SPOCK3: variants seen among roughly 807,000 people sequenced by gnomAD.
The protein encoded by SPOCK3 is SPARC (osteonectin), cwcv and kazal like domains proteoglycan 3, also known as testican-3.
SPOCK3 carries 30 observed loss-of-function variants against 56.6 expected under a neutral mutation model. The ratio of observed to expected loss-of-function variants is 0.53; its 90% CI spans 0.40 to 0.72. The LOEUF (loss-of-function observed/expected upper bound fraction) is 0.72. SPOCK3 is among the 30% of genes least tolerant of loss of function. The pLI is 0.00. For synonymous variants in SPOCK3, 196 were observed against 183.3 expected (o/e 1.07, Z -0.56); for missense variants, 527 against 530.0 (o/e 0.99, Z 0.06).
At chr4:167,225,525 T>G in intron 2 of SPOCK3, among the ~76,000 whole-genome samples, 1 of 152,210 alleles carries the variant, frequency 6.6e-6, no homozygotes, top group Non-Finnish European at 1.5e-5. Context: ...TTATTACTAT[T>G]ATTAAATTAA....
chr4:166,851,449 C>T (rs1327736178), intron 6 of SPOCK3, among the ~76,000 whole-genome samples: 20 of 152,166 alleles, frequency 1.3e-4, no homozygotes, highest in Admixed American at 5.2e-4. Flanking sequence ...TCACCAGCAA[C>T]GGAACAAAGC....
chr4:166,803,069 C>T lies in SPOCK3; in HGVS notation c.590-10780G>A, dbSNP rs79112928. On this transcript the variant is annotated intron_variant, in intron 6 of 10. Transcript: ENST00000357545. ...AATAAAGCACACACACATGAGCACA[C>T]ATGCACATATATCTTCAAAAATTAT... 1.7e-3 allele frequency among the ~76,000 whole-genome samples: 266 copies of T among 152,212 alleles called. 3 individuals are homozygous for T. The East Asian group carries it at 0.045, about 26-fold the overall frequency.
At chr4:166,955,598 A>G (rs1029851496) in intron 4 of SPOCK3, among the ~76,000 whole-genome samples, 2 of 145,712 alleles carry the variant, frequency 1.4e-5, no homozygotes, top group Admixed American at 1.4e-4. Flanking sequence ...TAAATTTAAT[A>G]TAATCAAATT....
intron 6 of SPOCK3, among the ~76,000 whole-genome samples, chr4:166,864,090 C>A (rs892936380): frequency 1.5e-4 from 23 of 152,082 alleles, no homozygotes; most frequent in Admixed American, 1.4e-3. Flanking sequence ...TCTCTCAGAC[C>A]ACAGTGCAAT....
chr4:167,073,611 A>G (rs952382142), intron 2 of SPOCK3, among the ~76,000 whole-genome samples: 2 of 151,898 alleles, frequency 1.3e-5, no homozygotes, highest in African/African-American at 4.8e-5. Flanking sequence ...TGTGATTAAT[A>G]CCTGTGAATA....
chr4:167,024,876 A>G (rs1441367383), intron 3 of SPOCK3, among the ~76,000 whole-genome samples: 3 of 152,084 alleles, frequency 2.0e-5, no homozygotes, highest in Non-Finnish European at 4.4e-5. Context: ...AAAATTTTTA[A>G]AAGAGTCCTT....
intron 4 of SPOCK3, among the ~76,000 whole-genome samples, chr4:166,966,394 G>T (rs535061266): frequency 5.9e-5 from 9 of 152,098 alleles, no homozygotes; most frequent in Non-Finnish European, 1.2e-4. Context: ...ACAAAATGTG[G>T]CCAGTTCTGT....
intron 3 of SPOCK3, among the ~76,000 whole-genome samples, chr4:167,062,038 C>T (rs1755661799): frequency 1.3e-5 from 2 of 151,706 alleles, no homozygotes; most frequent in Non-Finnish European, 2.9e-5. Context: ...TAACACGTTT[C>T]CTTTTGGGGC....
rs748340803 is a variant in SPOCK3 at position 166,761,895 on chromosome 4, TAAAAAA to T, written c.710-7172_710-7167del. On this transcript the variant is annotated intron_variant, in intron 7 of 10. Coordinates refer to ENST00000357545, the MANE Select transcript of SPOCK3 (RefSeq NM_001040159.2). ...ATGTACCCTAAAACTTAGAGTATAA[TAAAAAA>T]AAAAAAAAAAAAAAAAAAAAAGAGA... Among the ~76,000 whole-genome samples, 206 of 103,438 alleles carry T rather than the reference TAAAAAA, an allele frequency of 2.0e-3. 20 individuals carry two copies. Among genetic ancestry groups the T allele is most frequent in the African/African-American group, 7.1e-3 (197 of 27,932 alleles). 67.9% of individuals were successfully genotyped at this position (103,438 alleles called of 152,430 possible).
rs1431699531 is a variant in SPOCK3, at chr4:166,752,565, TATATATATACAC to T, written c.931+1931_931+1942del. ...AGCTATATGTGTGTATATATATATA[TATATATATACAC>T]ACACACACACACACACACACACACA... On this transcript the variant is annotated intron_variant, in intron 8 of 10. Coordinates refer to ENST00000357545, the MANE Select transcript of SPOCK3 (RefSeq NM_001040159.2). 4.0e-3 allele frequency among the ~76,000 whole-genome samples: 406 copies of T among 101,270 alleles called. 1 individual carries two copies. The highest frequency in any genetic ancestry group is 0.029 in the East Asian group (74 of 2,560). 66.4% of individuals were successfully genotyped at this position (101,270 alleles called of 152,430 possible). A position where few individuals can be genotyped will look rare whatever the true frequency, so the allele number is the denominator to read the frequency against.
chr4:166,980,956 C>T (rs779109056), intron 4 of SPOCK3, among the ~76,000 whole-genome samples: 2 of 152,198 alleles, frequency 1.3e-5, no homozygotes, highest in Admixed American at 6.5e-5. Flanking sequence ...TGCTAAAGCT[C>T]TTTCAGTTCC....
intron 8 of SPOCK3, among the ~76,000 whole-genome samples, chr4:166,752,451 C>A (rs1158719798): frequency 1.3e-5 from 2 of 151,774 alleles, no homozygotes; most frequent in Non-Finnish European, 2.9e-5. Flanking sequence ...GTCTTCATGG[C>A]AGTTTTAAGT....
At chr4:166,818,983 A>C (rs1295835881) in intron 6 of SPOCK3, among the ~76,000 whole-genome samples, 1 of 152,064 alleles carries the variant, frequency 6.6e-6, no homozygotes, top group East Asian at 1.9e-4. Context: ...TATACTTGTG[A>C]AATTACCACT....
At chr4:166,840,771 G>GTTTTTTT (rs70955697) in intron 6 of SPOCK3, among the ~76,000 whole-genome samples, 1,156 of 68,184 alleles carry the variant, frequency 0.017, 181 homozygotes, top group East Asian at 0.04. Flanking sequence ...AGAAGCAAAA[G>GTTTTTTT]TTTTTTTTTT....
chr4:166,804,609 A>G (rs147003527), intron 6 of SPOCK3, among the ~76,000 whole-genome samples: 2 of 152,144 alleles, frequency 1.3e-5, no homozygotes, highest in Admixed American at 6.6e-5. Context: ...GATATATTTT[A>G]AATCTTCATA....
At chr4:166,774,529 C>A (rs950579201) in intron 7 of SPOCK3, among the ~76,000 whole-genome samples, 9 of 152,288 alleles carry the variant, frequency 5.9e-5, no homozygotes, top group Admixed American at 3.9e-4. Context: ...CCATCTCGGG[C>A]AGAATGTACA....
chr4:167,017,840 A>G (rs1290831721), intron 3 of SPOCK3, among the ~76,000 whole-genome samples: 1 of 152,132 alleles, frequency 6.6e-6, no homozygotes, highest in Non-Finnish European at 1.5e-5. Flanking sequence ...TAAAAAAATT[A>G]AAAACAGGAT....
At chr4:166,904,028 T>G (rs1477064270) in intron 5 of SPOCK3, among the ~76,000 whole-genome samples, 1 of 152,006 alleles carries the variant, frequency 6.6e-6, no homozygotes, top group Non-Finnish European at 1.5e-5. Context: ...AATTTTGAAA[T>G]CATTTGTGTA....
intron 6 of SPOCK3, among the ~76,000 whole-genome samples, chr4:166,887,773 G>T (rs1272158821): frequency 1.3e-5 from 2 of 151,512 alleles, no homozygotes; most frequent in African/African-American, 4.9e-5. Flanking sequence ...TATACTGCTC[G>T]GGTGATGGGT....
Sources: gnomAD v4.1 joint callset for allele counts (sites outside exome capture counted in the v4.1 genomes callset) on GRCh38, gnomAD v4.1.1 for gene constraint, MANE v1.5 for transcripts, NCBI Gene and HGNC (gene_info 2026-07-23, HGNC 2026-07-21) for gene names.